Variants in HYAL4 observed in about 807,000 individuals in gnomAD.
HYAL4 encodes the protein hyaluronidase 4, also known as hyaluronidase-4.
HYAL4 carries 37 observed loss-of-function variants against 35.2 expected under a neutral mutation model. That is an observed-to-expected ratio of 1.05 (90% CI 0.81 to 1.38). The LOEUF is 1.38. Among genes scored for constraint, HYAL4 ranks in the 40% most tolerant of loss-of-function variants. HYAL4 has a pLI of 0.00. For synonymous variants in HYAL4, 198 were observed against 203.2 expected (o/e 0.97, Z 0.22); for missense variants, 572 against 572.4 (o/e 1.00, Z 0.01).
chr7:123,778,470 T>C, the HYAL4 span, among the ~76,000 whole-genome samples: 4 of 152,166 alleles, frequency 2.6e-5, no homozygotes, highest in African/African-American at 9.7e-5. Flanking sequence ...AAGAACAGTT[T>C]CCAGCCTTTT....
At position 123,874,857 on chromosome 7, in the gene HYAL4, C is replaced by T. The variant is rs748633460; in HGVS notation, c.1044+7C>T. ...GAATTTAACTGCATCCAAGGTAAGT[C>T]AGTATCTTGAAGGTATATTTAATGT... is the stretch of plus-strand genomic sequence containing the variant. On this transcript the variant is annotated splice_region_variant and intron_variant, in intron 4 of 4. Transcript: ENST00000223026. 14 of 1,475,874 alleles carry T rather than the reference C, an allele frequency of 9.5e-6. No homozygotes were observed. The African/African-American group carries it at 1.8e-4, about 19-fold the overall frequency. The allele number at this position is 1,475,874 out of a possible 1,614,324, so 91.4% of individuals were successfully genotyped here.
intron 2 of HYAL4, among the ~76,000 whole-genome samples, chr7:123,852,223 G>A (rs143631851): frequency 0.021 from 3,200 of 152,226 alleles, 105 homozygotes; most frequent in African/African-American, 0.073. Context: ...CTTTTGCTGT[G>A]CAGAAGGTCT....
At chr7:123,785,944 A>AAAACT in the HYAL4 span, among the ~76,000 whole-genome samples, 11 of 61,602 alleles carry the variant, frequency 1.8e-4, no homozygotes, top group Non-Finnish European at 4.8e-4. The surrounding 1 kb of genome is among the most constrained non-coding windows in gnomAD (Gnocchi z 4.5). Context: ...TAGAAACAAG[A>AAAACT]AAACAAAACA....
the HYAL4 span, among the ~76,000 whole-genome samples, chr7:123,813,536 AG>A: frequency 6.6e-6 from 1 of 152,228 alleles, no homozygotes; most frequent in African/African-American, 2.4e-5. Flanking sequence ...TAATCAACAC[AG>A]GGTAATTAAC....
the HYAL4 span, among the ~76,000 whole-genome samples, chr7:123,803,039 A>C: frequency 1.3e-5 from 2 of 152,182 alleles, no homozygotes; most frequent in African/African-American, 4.8e-5. Flanking sequence ...TGAGTACCAC[A>C]AAGTTGAGAG....
At chr7:123,808,772 A>G in the HYAL4 span, among the ~76,000 whole-genome samples, 12 of 152,180 alleles carry the variant, frequency 7.9e-5, no homozygotes, top group African/African-American at 2.9e-4. Flanking sequence ...TGAGAAGTCC[A>G]CAATCAAGGT....
chr7:123,869,256 GA>G, intron 3 of HYAL4, 29 bp downstream of exon 3: 2 of 1,387,788 alleles, frequency 1.4e-6, no homozygotes, highest in Non-Finnish European at 9.8e-7. Context: ...AATGGTGGGG[GA>G]TTTCCTCCTT....
chr7:123,874,049 A>G (rs1483955213), intron 3 of HYAL4, among the ~76,000 whole-genome samples: 1 of 152,174 alleles, frequency 6.6e-6, no homozygotes, highest in Non-Finnish European at 1.5e-5. Flanking sequence ...ATGGAAAAGG[A>G]ACCTGGTTAA....
At chr7:123,767,176 T>C in the HYAL4 span, among the ~76,000 whole-genome samples, 1 of 152,232 alleles carries the variant, frequency 6.6e-6, no homozygotes, top group Non-Finnish European at 1.5e-5. Flanking sequence ...TGGCTTATTT[T>C]GTCCTCATAT....
At chr7:123,866,314 G>A (rs79693891) in intron 2 of HYAL4, among the ~76,000 whole-genome samples, 129 of 152,292 alleles carry the variant, frequency 8.5e-4, no homozygotes, top group Admixed American at 1.0e-3. Context: ...TGGAATTTAC[G>A]TCACCACTGG....
upstream of HYAL4, among the ~76,000 whole-genome samples, chr7:123,840,127 C>T (rs1312150246): frequency 6.6e-6 from 1 of 152,112 alleles, no homozygotes; most frequent in East Asian, 1.9e-4. Flanking sequence ...TTAGGTCTAA[C>T]ATTTAACCTT....
the HYAL4 span, among the ~76,000 whole-genome samples, chr7:123,789,546 T>C: frequency 0.011 from 1,646 of 152,320 alleles, 31 homozygotes; most frequent in African/African-American, 0.037. Flanking sequence ...TTCATTGAAA[T>C]AATGAAAGGT....
chr7:123,781,756 T>C, the HYAL4 span, among the ~76,000 whole-genome samples: 3 of 152,236 alleles, frequency 2.0e-5, no homozygotes, highest in African/African-American at 7.2e-5. Context: ...ACTATGAATA[T>C]TTTGAGTTAA....
At chr7:123,784,013 A>G in the HYAL4 span, among the ~76,000 whole-genome samples, 4 of 147,926 alleles carry the variant, frequency 2.7e-5, no homozygotes, top group Admixed American at 6.9e-5. Flanking sequence ...TTCCTCCAGA[A>G]AGTACTTAGT....
At chr7:123,830,085 T>A (rs1805857841) in intron 1 of HYAL4, among the ~76,000 whole-genome samples, 1 of 152,176 alleles carries the variant, frequency 6.6e-6, no homozygotes, top group African/African-American at 2.4e-5. Flanking sequence ...CTCCAGTAAT[T>A]GGGGATCCCT....
the HYAL4 span, among the ~76,000 whole-genome samples, chr7:123,775,920 A>G: frequency 1.3e-5 from 2 of 152,212 alleles, no homozygotes; most frequent in African/African-American, 4.8e-5. Context: ...GTGTGTTTCA[A>G]GTTTGCAAGC....
chr7:123,794,389 G>A, the HYAL4 span, among the ~76,000 whole-genome samples: 1 of 152,188 alleles, frequency 6.6e-6, no homozygotes, highest in Non-Finnish European at 1.5e-5. Context: ...CAAGACAATG[G>A]GGAAAATGTC....
At chr7:123,860,421 A>G (rs1224649301) in intron 2 of HYAL4, among the ~76,000 whole-genome samples, 3 of 152,186 alleles carry the variant, frequency 2.0e-5, no homozygotes, top group Admixed American at 6.6e-5. Context: ...ATATGTATGC[A>G]TATATTCCTT....
intron 2 of HYAL4, among the ~76,000 whole-genome samples, chr7:123,855,465 G>A (rs759188977): frequency 7.9e-5 from 12 of 152,184 alleles, no homozygotes; most frequent in Admixed American, 3.3e-4. Context: ...TTGAAGCTTA[G>A]TTGGGCTGGA....
Sources: gnomAD v4.1 joint callset for allele counts (sites outside exome capture counted in the v4.1 genomes callset) on GRCh38, gnomAD v4.1.1 for gene constraint, Gnocchi (gnomAD v3.1) non-coding constraint, MANE v1.5 for transcripts, NCBI Gene and HGNC (gene_info 2026-07-23, HGNC 2026-07-21) for gene names.